LARGE1: variants seen among roughly 807,000 people sequenced by gnomAD.
LARGE1 encodes LARGE xylosyl- and glucuronyltransferase 1.
In LARGE1, 43 loss-of-function variants were observed where a neutral mutation model predicts 87.6. The observed-to-expected ratio is 0.49, with a 90% CI of 0.38 to 0.63. The LOEUF is 0.63. Ranked by LOEUF, LARGE1 falls within the 30% of genes least tolerant of loss-of-function variation. LARGE1 has a pLI of 0.00. For missense variants in LARGE1, 802 were observed against 1,000.2 expected, an observed-to-expected ratio of 0.80 and a Z score of 2.67; for synonymous variants, 434 against 394.6, an observed-to-expected ratio of 1.10 and a Z score of -1.18.
At chr22:33,860,833 C>G (rs2063896929) in intron 1 of LARGE1, among the ~76,000 whole-genome samples, 1 of 152,224 alleles carries the variant, frequency 6.6e-6, no homozygotes, top group Non-Finnish European at 1.5e-5. Flanking sequence ...AATGGTGCAT[C>G]TGCCTGCAAG....
the LARGE1 span, among the ~76,000 whole-genome samples, chr22:33,077,146 T>C: frequency 3.3e-5 from 5 of 152,220 alleles, no homozygotes; most frequent in Non-Finnish European, 7.3e-5. Flanking sequence ...TTATTATTAC[T>C]CCTTGTTTGC....
intron 1 of LARGE1, 50 bp downstream of exon 1, chr22:33,919,945 C>G (rs748567761): frequency 2.6e-5 from 4 of 152,250 alleles, no homozygotes; most frequent in Non-Finnish European, 5.9e-5. Flanking sequence ...TTGTCCGGCG[C>G]TACACACCAC....
intron 1 of LARGE1, among the ~76,000 whole-genome samples, chr22:33,837,950 C>T (rs2063156799): frequency 6.6e-6 from 1 of 152,202 alleles, no homozygotes; most frequent in Admixed American, 6.5e-5. Flanking sequence ...GATAGTAAAT[C>T]ACGTAAGCTC....
At chr22:33,775,198 C>A (rs1299381163) in intron 1 of LARGE1, among the ~76,000 whole-genome samples, 3 of 152,186 alleles carry the variant, frequency 2.0e-5, no homozygotes, top group Non-Finnish European at 4.4e-5. Flanking sequence ...TGGCTTAGGT[C>A]CCACAGCTGT....
At position 33,650,612 on chromosome 22, in the gene LARGE1, T is replaced by A; in HGVS notation, c.163A>T (p.Thr55Ser). 1.9e-6 allele frequency: 3 copies of A among 1,604,308 alleles called. No homozygotes were observed. The highest frequency in any genetic ancestry group is 1.7e-6 in the Non-Finnish European group (2 of 1,179,942). The part of the protein sequence containing the change: ...LESQAHSPRY[T>S]ASSQRERESL... The stretch of plus-strand genomic sequence containing the variant: ...TCGCGCTCCCGCTGGCTGGAGGCCG[T>A]GTACCTGGGGCTGTGTGCCTGGGAC... The change falls in exon 3 of 15, where the codon ACG (threonine) becomes TCG (serine). Residue 55 changes from threonine to serine, a missense_variant. Physicochemically the swap from Thr to Ser is moderately conservative, Grantham distance 58 (BLOSUM62 1). Coordinates refer to ENST00000397394, the MANE Select transcript of LARGE1 (RefSeq NM_133642.5).
chr22:33,102,136 G>A, the LARGE1 span, among the ~76,000 whole-genome samples: 1 of 148,552 alleles, frequency 6.7e-6, no homozygotes, highest in Non-Finnish European at 1.5e-5. Context: ...CTCCAGTCCT[G>A]ATGTTCACGG....
chr22:33,848,591 G>A (rs143641471), intron 1 of LARGE1, among the ~76,000 whole-genome samples: 46 of 152,164 alleles, frequency 3.0e-4, no homozygotes, highest in Admixed American at 1.1e-3. Flanking sequence ...TCCTGAAGCC[G>A]CGTTGTGCCA....
At chr22:33,661,260 G>A (rs2081115092) in intron 2 of LARGE1, among the ~76,000 whole-genome samples, 1 of 148,462 alleles carries the variant, frequency 6.7e-6, no homozygotes, top group South Asian at 2.1e-4. Flanking sequence ...CTGTTGCCCA[G>A]GCTGGAGTAC....
At chr22:33,409,513 A>C (rs1280413974) in intron 7 of LARGE1, among the ~76,000 whole-genome samples, 1 of 152,204 alleles carries the variant, frequency 6.6e-6, no homozygotes, top group Non-Finnish European at 1.5e-5. Context: ...CTTGACAGTC[A>C]GCAGTCTGAG....
intron 11 of LARGE1, among the ~76,000 whole-genome samples, chr22:33,222,217 A>C (rs1925489863): frequency 6.6e-6 from 1 of 152,216 alleles, no homozygotes; most frequent in Admixed American, 6.5e-5. Flanking sequence ...GGTGGTCACC[A>C]CTGCGTAGGA....
chr22:33,638,910 T>C (rs910366246), intron 3 of LARGE1, among the ~76,000 whole-genome samples: 1 of 152,210 alleles, frequency 6.6e-6, no homozygotes, highest in Non-Finnish European at 1.5e-5. Context: ...GAGGATAACA[T>C]TCATTCACTT....
intron 2 of LARGE1, among the ~76,000 whole-genome samples, chr22:33,756,384 A>C (rs1339274121): frequency 6.6e-6 from 1 of 152,196 alleles, no homozygotes; most frequent in African/African-American, 2.4e-5. Context: ...AAGATTATAA[A>C]AACAAGAAAA....
At chr22:33,141,935 T>C in the LARGE1 span, among the ~76,000 whole-genome samples, 1 of 152,246 alleles carries the variant, frequency 6.6e-6, no homozygotes, top group Non-Finnish European at 1.5e-5. Context: ...TCATTACTAG[T>C]AGATTGTAAC....
chr22:33,917,495 A>C (rs1249991025), intron 1 of LARGE1, among the ~76,000 whole-genome samples: 1 of 152,196 alleles, frequency 6.6e-6, no homozygotes, highest in Non-Finnish European at 1.5e-5. Flanking sequence ...ATGTATTTTT[A>C]AGGGGAATTT....
chr22:33,773,398 T>A (rs1021326823), intron 1 of LARGE1, among the ~76,000 whole-genome samples: 1 of 152,222 alleles, frequency 6.6e-6, no homozygotes, highest in Admixed American at 6.5e-5. Context: ...TTTGTCTTGA[T>A]CCTGCTGCGA....
chr22:33,683,849 C>T (rs2081860169), intron 2 of LARGE1, among the ~76,000 whole-genome samples: 1 of 152,150 alleles, frequency 6.6e-6, no homozygotes, highest in Admixed American at 6.5e-5. Flanking sequence ...CTCTGGAGCC[C>T]TTGATGAAAA....
the LARGE1 span, among the ~76,000 whole-genome samples, chr22:33,068,778 A>T: frequency 2.0e-5 from 3 of 152,176 alleles, 1 homozygote; most frequent in Non-Finnish European, 4.4e-5. Flanking sequence ...GGTAGTCTCC[A>T]TCACCGTGTT....
At chr22:33,092,332 T>C in the LARGE1 span, among the ~76,000 whole-genome samples, 2 of 152,000 alleles carry the variant, frequency 1.3e-5, no homozygotes, top group Non-Finnish European at 2.9e-5. Flanking sequence ...TCAGAGGCTA[T>C]AGAGGTGGTT....
intron 6 of LARGE1, among the ~76,000 whole-genome samples, chr22:33,476,817 C>G (rs891697915): frequency 6.6e-6 from 1 of 151,956 alleles, no homozygotes; most frequent in African/African-American, 2.4e-5. Flanking sequence ...ACTCAAACGG[C>G]GATGTCAGAG....
Sources: gnomAD v4.1 joint callset for allele counts (sites outside exome capture counted in the v4.1 genomes callset) on GRCh38, gnomAD v4.1.1 for gene constraint, MANE v1.5 for transcripts, NCBI Gene and HGNC (gene_info 2026-07-23, HGNC 2026-07-21) for gene names.